Variants in KHDRBS2 observed in about 807,000 individuals in gnomAD.
KHDRBS2 encodes the protein KH domain-containing, RNA-binding, signal transduction-associated protein 2.
In KHDRBS2, 26 loss-of-function variants were observed where a neutral mutation model predicts 44.3. That is an observed-to-expected ratio of 0.59 (90% confidence interval 0.43 to 0.81). The LOEUF (loss-of-function observed/expected upper bound fraction) is 0.81, where lower values mean the gene tolerates loss of function less well. Among genes scored for constraint, KHDRBS2 ranks in the 40% least tolerant of loss-of-function variants. KHDRBS2 has a pLI of 0.00. For synonymous variants in KHDRBS2, 194 were observed against 151.1 expected (o/e 1.28, Z -2.08); for missense variants, 476 against 433.1 (o/e 1.10, Z -0.88).
intron 1 of KHDRBS2, among the ~76,000 whole-genome samples, chr6:62,285,624 T>C (rs1436533514): frequency 1.6e-4 from 24 of 152,200 alleles, no homozygotes; most frequent in Admixed American, 1.6e-3. Flanking sequence ...ACATCGCCAC[T>C]GCCATTAGAT....
intron 6 of KHDRBS2, among the ~76,000 whole-genome samples, chr6:61,754,990 C>G (rs1210015349): frequency 6.6e-6 from 1 of 152,020 alleles, no homozygotes; most frequent in Admixed American, 6.6e-5. Context: ...TCTAGTAAAA[C>G]ATAATATTTA....
intron 3 of KHDRBS2, among the ~76,000 whole-genome samples, chr6:61,988,482 GGT>G (rs377606180): frequency 9.9e-5 from 15 of 152,192 alleles, no homozygotes; most frequent in African/African-American, 3.6e-4. Flanking sequence ...GCTTTCTTAG[GGT>G]TCAGTAGAAG....
At position 61,860,931 on chromosome 6, in the gene KHDRBS2, A is replaced by G. The variant is rs776113730; in HGVS notation, c.810+33704T>C. On this transcript the variant is annotated intron_variant, in intron 6 of 8. Transcript: ENST00000281156. ...GACATTCTGGCTGGTGTGAGATGGT[A>G]TCTCATTATGGTTTTGATTTGCATT... Among the ~76,000 whole-genome samples, 3 of 152,238 alleles carry G rather than the reference A, an allele frequency of 2.0e-5. No homozygotes were observed. The East Asian group carries it at 5.8e-4, about 29-fold the overall frequency.
chr6:61,735,988 C>A (rs1419708540), intron 6 of KHDRBS2, among the ~76,000 whole-genome samples: 1 of 151,770 alleles, frequency 6.6e-6, no homozygotes, highest in African/African-American at 2.4e-5. Context: ...AATGCAATGC[C>A]TTTGTGTGTG....
At chr6:61,610,469 T>C in the KHDRBS2 span, among the ~76,000 whole-genome samples, 1 of 152,170 alleles carries the variant, frequency 6.6e-6, no homozygotes, top group African/African-American at 2.4e-5. Context: ...TGTTTGTGGG[T>C]CAGAATCTCT....
intron 1 of KHDRBS2, among the ~76,000 whole-genome samples, chr6:62,231,569 T>C (rs1832906559): frequency 6.6e-6 from 1 of 152,030 alleles, no homozygotes; most frequent in Non-Finnish European, 1.5e-5. Flanking sequence ...AGCCAAACCA[T>C]ATTACCCCGC....
At chr6:61,729,094 TAGAC>T (rs1774028113) in intron 7 of KHDRBS2, among the ~76,000 whole-genome samples, 1 of 152,048 alleles carries the variant, frequency 6.6e-6, no homozygotes, top group Non-Finnish European at 1.5e-5. Flanking sequence ...CCATCACTGA[TAGAC>T]AGGATAAAGA....
the KHDRBS2 span, among the ~76,000 whole-genome samples, chr6:61,648,042 G>T: frequency 5.7e-3 from 863 of 152,038 alleles, 22 homozygotes; most frequent in East Asian, 0.037. Flanking sequence ...ACAAAGGGGG[G>T]TTCTAATTAG....
Position 62,080,847 on chromosome 6 carries a change from G to A in KHDRBS2, c.220-32853C>T, listed in dbSNP as rs571571460. On this transcript the variant is annotated intron_variant, in intron 2 of 8. Coordinates refer to ENST00000281156, the MANE Select transcript of KHDRBS2 (RefSeq NM_152688.4). ...TGCTTATAACCCTGGCTCCCACCTTGCTGCATCTTGGTTTGGCAATATTAG... is the reference window on the plus strand; with the variant it reads ...TGCTTATAACCCTGGCTCCCACCTTACTGCATCTTGGTTTGGCAATATTAG... Among the ~76,000 whole-genome samples the A allele has an allele frequency of 6.6e-5, 10 of 152,110 alleles. No homozygotes were observed. In the East Asian group the frequency reaches 1.9e-3, roughly 30 times the overall value.
At chr6:61,593,360 C>A in the KHDRBS2 span, among the ~76,000 whole-genome samples, 1 of 151,728 alleles carries the variant, frequency 6.6e-6, no homozygotes, top group Non-Finnish European at 1.5e-5. Context: ...AGAGTCACAG[C>A]CAGATACTGG....
intron 2 of KHDRBS2, among the ~76,000 whole-genome samples, chr6:62,123,785 T>G (rs1367462255): frequency 2.6e-5 from 4 of 152,250 alleles, no homozygotes; most frequent in African/African-American, 9.6e-5. Context: ...CCTACAGTGC[T>G]ATTTGACATC....
intron 1 of KHDRBS2, among the ~76,000 whole-genome samples, chr6:62,222,749 T>C (rs536111179): frequency 1.3e-5 from 2 of 152,184 alleles, no homozygotes; most frequent in Non-Finnish European, 2.9e-5. Context: ...ACAGGCCCCA[T>C]GCAACTCTGA....
chr6:62,153,928 T>C (rs145164535), intron 2 of KHDRBS2, among the ~76,000 whole-genome samples: 103 of 152,328 alleles, frequency 6.8e-4, no homozygotes, highest in African/African-American at 2.4e-3. Flanking sequence ...ATCCACCACC[T>C]GCCTATCCTG....
chr6:61,970,705 C>G (rs775291707), intron 4 of KHDRBS2, among the ~76,000 whole-genome samples: 28 of 152,118 alleles, frequency 1.8e-4, no homozygotes, highest in Non-Finnish European at 3.2e-4. Flanking sequence ...CTCAAACCAA[C>G]AAGGCCAACT....
chr6:61,675,402 C>T (rs550725718), downstream of KHDRBS2, among the ~76,000 whole-genome samples: 6 of 151,012 alleles, frequency 4.0e-5, no homozygotes, highest in South Asian at 2.1e-4. Context: ...TCTATTAATA[C>T]GGTATACTAA....
At chr6:61,878,180 C>A (rs146776672) in intron 6 of KHDRBS2, among the ~76,000 whole-genome samples, 87 of 151,994 alleles carry the variant, frequency 5.7e-4, no homozygotes, top group African/African-American at 1.9e-3. Context: ...TGTCTACCTG[C>A]TCCAGTTCCT....
intron 2 of KHDRBS2, among the ~76,000 whole-genome samples, chr6:62,066,988 G>A (rs913593387): frequency 4.6e-5 from 7 of 151,448 alleles, no homozygotes; most frequent in African/African-American, 1.5e-4. Context: ...ATTCAGCAGT[G>A]GGAGTAAATT....
intron 2 of KHDRBS2, among the ~76,000 whole-genome samples, chr6:62,056,839 G>C (rs2127320453): frequency 6.6e-6 from 1 of 152,038 alleles, no homozygotes; most frequent in East Asian, 1.9e-4. Context: ...ATTATTGACA[G>C]AATAAATATG....
chr6:62,258,113 A>T (rs539251191), intron 1 of KHDRBS2, among the ~76,000 whole-genome samples: 58 of 152,120 alleles, frequency 3.8e-4, no homozygotes, highest in African/African-American at 1.4e-3. Context: ...TCCATCTATA[A>T]TGCTGTGTTT....
Sources: allele counts gnomAD v4.1 joint callset (sites outside exome capture counted in the v4.1 genomes callset), GRCh38; gene constraint gnomAD v4.1.1; transcripts MANE v1.5; gene names NCBI Gene and HGNC (gene_info 2026-07-23, HGNC 2026-07-21).